The following ANGPT1 variants were observed in gnomAD, a reference collection of about 807,000 sequenced individuals.
ANGPT1 encodes angiopoietin 1, also known as angiopoietin-1.
Under a neutral mutation model 62.2 loss-of-function variants are expected in ANGPT1, and 17 were observed. The observed-to-expected ratio is 0.27, with a 90% CI of 0.19 to 0.41. ANGPT1 has a LOEUF of 0.41. ANGPT1 is among the 10% of genes least tolerant of loss of function. The pLI is 1.00. For synonymous variants in ANGPT1, 199 were observed against 198.9 expected (o/e 1.00, Z 0.00); for missense variants, 478 against 594.9 (o/e 0.80, Z 2.04).
intron 1 of ANGPT1, among the ~76,000 whole-genome samples, chr8:107,493,660 A>G (rs1200513642): frequency 6.6e-6 from 1 of 150,416 alleles, no homozygotes; most frequent in Non-Finnish European, 1.5e-5. Context: ...TAGATAATGC[A>G]TTCATTTTTT....
chr8:107,397,892 A>G (rs905409808), intron 1 of ANGPT1, among the ~76,000 whole-genome samples: 2 of 152,174 alleles, frequency 1.3e-5, no homozygotes, highest in Admixed American at 6.5e-5. Flanking sequence ...AATGCCCTAA[A>G]AAACCTACTT....
At chr8:107,295,230 A>G (rs1814383953) in intron 5 of ANGPT1, 1 of 152,128 alleles carries the variant, frequency 6.6e-6, no homozygotes, top group Non-Finnish European at 1.5e-5. Context: ...CCCTACTTTG[A>G]CAACAGCCAC....
chr8:107,477,091 T>G (rs1479944919), intron 1 of ANGPT1, among the ~76,000 whole-genome samples: 1 of 152,162 alleles, frequency 6.6e-6, no homozygotes, highest in Non-Finnish European at 1.5e-5. Flanking sequence ...TATGCCTATG[T>G]CCTTTAAAAG....
At chr8:107,399,893 A>T (rs963638548) in intron 1 of ANGPT1, among the ~76,000 whole-genome samples, 2 of 152,160 alleles carry the variant, frequency 1.3e-5, no homozygotes. Flanking sequence ...AGGGTAGTTG[A>T]GATGTTGCGA....
At chr8:107,414,490 T>C (rs939897756) in intron 1 of ANGPT1, among the ~76,000 whole-genome samples, 5 of 152,176 alleles carry the variant, frequency 3.3e-5, no homozygotes, top group Non-Finnish European at 5.9e-5. Flanking sequence ...GAAAAGAATT[T>C]AGTGACATTA....
At chr8:107,385,018 G>C (rs1367888372) in intron 1 of ANGPT1, among the ~76,000 whole-genome samples, 1 of 152,108 alleles carries the variant, frequency 6.6e-6, no homozygotes, top group Non-Finnish European at 1.5e-5. Flanking sequence ...AGTTACTGTA[G>C]CCTTGCAGTA....
At chr8:107,425,465 A>G (rs1811015633) in intron 1 of ANGPT1, among the ~76,000 whole-genome samples, 1 of 152,188 alleles carries the variant, frequency 6.6e-6, no homozygotes, top group Non-Finnish European at 1.5e-5. Context: ...ACATGTATGA[A>G]AACAAATTCA....
At chr8:107,260,763 A>T (rs1190225353) in intron 8 of ANGPT1, among the ~76,000 whole-genome samples, 1 of 152,240 alleles carries the variant, frequency 6.6e-6, no homozygotes, top group Non-Finnish European at 1.5e-5. Context: ...ACATTTACTT[A>T]GACTATTCCA....
At chr8:107,429,569 G>A (rs768421296) in intron 1 of ANGPT1, among the ~76,000 whole-genome samples, 1 of 151,162 alleles carries the variant, frequency 6.6e-6, no homozygotes, top group East Asian at 2.0e-4. Context: ...CTTACTTCAG[G>A]GTTAATTATT....
At chr8:107,300,132 T>C (rs1462051617) in intron 5 of ANGPT1, among the ~76,000 whole-genome samples, 2 of 146,318 alleles carry the variant, frequency 1.4e-5, no homozygotes, top group Non-Finnish European at 1.5e-5. Flanking sequence ...ATATATAGTA[T>C]AGTATAGTAT....
chr8:107,416,192 G>T (rs1810738907), intron 1 of ANGPT1, among the ~76,000 whole-genome samples: 2 of 152,174 alleles, frequency 1.3e-5, no homozygotes, highest in Middle Eastern at 3.4e-3. Context: ...CCACAAAACT[G>T]CCCCCTTCCA....
intron 1 of ANGPT1, among the ~76,000 whole-genome samples, chr8:107,388,044 T>G (rs1209920232): frequency 7.1e-6 from 1 of 140,410 alleles, no homozygotes; most frequent in African/African-American, 2.5e-5. Context: ...GTTTCTCAAG[T>G]TTGCTCAATT....
intron 1 of ANGPT1, among the ~76,000 whole-genome samples, chr8:107,410,154 G>A (rs1179539659): frequency 6.6e-6 from 1 of 152,190 alleles, no homozygotes; most frequent in Non-Finnish European, 1.5e-5. Context: ...AAAGGTCAGA[G>A]GGGTCAAGCA....
At chr8:107,314,239 T>C (rs1814955429) in intron 4 of ANGPT1, among the ~76,000 whole-genome samples, 1 of 152,328 alleles carries the variant, frequency 6.6e-6, no homozygotes, top group Admixed American at 6.5e-5. Context: ...AAGGAAACAC[T>C]CTTTTTGTGG....
chr8:107,278,914 A>C (rs978619216), intron 7 of ANGPT1, among the ~76,000 whole-genome samples: 7 of 152,166 alleles, frequency 4.6e-5, no homozygotes, highest in Admixed American at 3.9e-4. Context: ...GCCAAATTTC[A>C]AGCATATGTT....
chr8:107,466,871 C>T lies in ANGPT1; in HGVS notation c.297+30391G>A, dbSNP rs1812213805. 3.9e-5 allele frequency among the ~76,000 whole-genome samples: 6 copies of T among 151,976 alleles called. No homozygotes were observed. In the South Asian group the frequency reaches 1.2e-3, roughly 32 times the overall value. ...AGGTTGCAGTGAGCAGCAACTATGC[C>T]ATTGCACTCCAGCCTGGGCAACAAG... On this transcript the variant is annotated intron_variant, in intron 1 of 8. Transcript: ENST00000517746.
chr8:107,437,886 T>C (rs1672200), intron 1 of ANGPT1, among the ~76,000 whole-genome samples: 109,114 of 152,050 alleles, frequency 0.72, 39,468 homozygotes, highest in East Asian at 0.85. Context: ...AAGGACTGGT[T>C]GTATTGGAGA....
intron 8 of ANGPT1, among the ~76,000 whole-genome samples, chr8:107,254,429 C>T (rs1351647233): frequency 6.6e-6 from 1 of 151,746 alleles, no homozygotes; most frequent in African/African-American, 2.4e-5. Context: ...GCAAAAGTAA[C>T]TGCGGTTTTT....
chr8:107,320,433 T>C (rs537588293), intron 4 of ANGPT1, among the ~76,000 whole-genome samples: 2 of 152,278 alleles, frequency 1.3e-5, no homozygotes. Context: ...CTTAGGATGA[T>C]AAGAAAAATG....
Sources: gnomAD v4.1 joint callset for allele counts (sites outside exome capture counted in the v4.1 genomes callset) on GRCh38, gnomAD v4.1.1 for gene constraint, MANE v1.5 for transcripts, NCBI Gene and HGNC (gene_info 2026-07-23, HGNC 2026-07-21) for gene names.